Variants in ZNF169 observed in about 807,000 individuals in gnomAD.
ZNF169 encodes the protein zinc finger protein 169.
A neutral mutation model predicts 12.0 loss-of-function variants in ZNF169; 11 were observed. That is an observed-to-expected ratio of 0.92 (90% confidence interval 0.58 to 1.52). The LOEUF (loss-of-function observed/expected upper bound fraction) is 1.52, where lower values mean the gene tolerates loss of function less well. Ranked by LOEUF, ZNF169 falls within the 40% of genes most tolerant of loss-of-function variation. The pLI, the probability that ZNF169 is intolerant of heterozygous loss-of-function variation, is 0.00. For synonymous variants in ZNF169, 302 were observed against 286.5 expected, an observed-to-expected ratio of 1.05 and a Z score of -0.55; for missense variants, 722 against 744.0, an observed-to-expected ratio of 0.97 and a Z score of 0.34.
intron 1 of ZNF169, among the ~76,000 whole-genome samples, chr9:94,261,621 G>A (rs960341758): frequency 6.6e-6 from 1 of 152,064 alleles, no homozygotes; most frequent in African/African-American, 2.4e-5. Flanking sequence ...TTCACTAGGG[G>A]TCTATACCAG....
chr9:94,292,453 A>C lies in ZNF169; in HGVS notation c.146A>C (p.His49Pro). The C allele has an allele frequency of 6.2e-7, 1 of 1,613,998 alleles. No individual in the cohort carries two copies. Among genetic ancestry groups the C allele is most frequent in the Non-Finnish European group, 8.5e-7 (1 of 1,179,914 alleles). The part of the protein sequence containing the change: ...YREVMLENYS[H>P]LVSLGIAFSK... ...GAGGTGATGCTGGAGAACTACAGCCATCTGGTCTCCCTGGGTAAGGCTGGC... is the reference window on the plus strand; with the variant it reads ...GAGGTGATGCTGGAGAACTACAGCCCTCTGGTCTCCCTGGGTAAGGCTGGC... Residue 49 changes from histidine (H) to proline (P), a missense_variant, in exon 3 of 5, where the codon CAT (histidine) becomes CCT (proline). Transcript: ENST00000395395.
At chr9:94,285,572 T>C (rs1161201661) in intron 2 of ZNF169, among the ~76,000 whole-genome samples, 1 of 152,142 alleles carries the variant, frequency 6.6e-6, no homozygotes, top group Non-Finnish European at 1.5e-5. Flanking sequence ...TGAAACATGA[T>C]GAACCCAATA....
At chr9:94,274,714 T>C (rs1164694250) in intron 1 of ZNF169, among the ~76,000 whole-genome samples, 1 of 152,174 alleles carries the variant, frequency 6.6e-6, no homozygotes, top group East Asian at 1.9e-4. Flanking sequence ...CCCAAGGTGG[T>C]TGGGGCACAG....
chr9:94,266,433 A>G (rs1006295030), intron 1 of ZNF169, among the ~76,000 whole-genome samples: 5 of 152,210 alleles, frequency 3.3e-5, no homozygotes, highest in Admixed American at 6.5e-5. Flanking sequence ...AAAGAGTTCA[A>G]TTTGTTCCCA....
At chr9:94,270,784 AATAT>A (rs1306055539) in intron 1 of ZNF169, among the ~76,000 whole-genome samples, 3 of 54,126 alleles carry the variant, frequency 5.5e-5, no homozygotes, top group Non-Finnish European at 1.2e-4. Context: ...ATATTATATA[AATAT>A]ATATAAATAA....
At chr9:94,292,279 G>A (rs1222661112) in intron 2 of ZNF169, 62 bp from the exon 3 acceptor site, 1 of 1,612,820 alleles carries the variant, frequency 6.2e-7, no homozygotes, top group African/African-American at 1.3e-5. Context: ...GTGGTTAGTG[G>A]CTTAAGTTGG....
chr9:94,292,925 C>T (rs370741790), intron 3 of ZNF169, 49 bp from the exon 4 acceptor site: 77 of 1,533,830 alleles, frequency 5.0e-5, no homozygotes, highest in Non-Finnish European at 6.5e-5. Flanking sequence ...GAGATAGCCT[C>T]TTAAGCCACT....
chr9:94,300,585 G>A lies in ZNF169; in HGVS notation c.1027G>A (p.Glu343Lys), dbSNP rs779291492. The A allele has an allele frequency of 6.2e-7, 1 of 1,614,050 alleles. No individual in the cohort carries two copies. The highest frequency in any genetic ancestry group is 1.7e-5 in the Admixed American group (1 of 60,018). The change falls in exon 5 of 5, where the codon GAG becomes AAG. Residue 343 changes from glutamate (E) to lysine (K), a missense_variant. Glu to Lys is a moderately conservative substitution (Grantham distance 56). Coordinates refer to ENST00000395395, the MANE Select transcript of ZNF169 (RefSeq NM_194320.4). ...TCTACACCAGAGGACGCACTTGGAG[G>A]AGAAGCCCTTCGTGTGTCCTGAGTG... ...LLLHQRTHLE[E>K]KPFVCPECGR...
At chr9:94,278,702 G>T (rs1830566662) in intron 1 of ZNF169, 56 bp from the exon 2 acceptor site, 8 of 992,114 alleles carry the variant, frequency 8.1e-6, no homozygotes, top group Admixed American at 4.0e-5. Flanking sequence ...AGGCTGGACA[G>T]AGTGTGAAGG....
chr9:94,264,164 T>C (rs1216664138), intron 1 of ZNF169, among the ~76,000 whole-genome samples: 2 of 152,184 alleles, frequency 1.3e-5, no homozygotes, highest in Non-Finnish European at 2.9e-5. Flanking sequence ...TGAGGTGGCG[T>C]CTTGCTCTGT....
chr9:94,299,896 G>T lies in ZNF169; in HGVS notation c.338G>T (p.Ser113Ile), dbSNP rs765927552. The T allele has an allele frequency of 1.3e-5, 21 of 1,614,038 alleles. No homozygotes were observed. The highest frequency in any genetic ancestry group is 1.7e-5 in the Non-Finnish European group (20 of 1,180,044). Residue 113 changes from serine (S) to isoleucine (I), a missense_variant, in exon 5 of 5, where the codon AGT becomes ATT. Physicochemically the swap from Ser to Ile is moderately radical, Grantham distance 142 (BLOSUM62 -2). Coordinates refer to ENST00000395395, the MANE Select transcript of ZNF169 (RefSeq NM_194320.4). ...CAGCTCCTCAGACAATATGCGCTAAGTGGCCATCCCACACAGATCTTCCCA... is the reference window on the plus strand; with the variant it reads ...CAGCTCCTCAGACAATATGCGCTAATTGGCCATCCCACACAGATCTTCCCA... Reference protein sequence around the residue: ...SSQLLRQYALSGHPTQIFPSS... With the variant: ...SSQLLRQYALIGHPTQIFPSS...
chr9:94,270,651 A>G (rs1429610774), intron 1 of ZNF169, among the ~76,000 whole-genome samples: 2 of 111,374 alleles, frequency 1.8e-5, no homozygotes, highest in Non-Finnish European at 3.6e-5. Context: ...AAAAATAAAT[A>G]TATTTTTAAA....
chr9:94,293,274 T>C, intron 4 of ZNF169: 1 of 603,300 alleles, frequency 1.7e-6, no homozygotes. Context: ...ATCTCCTTCC[T>C]CCATCAGGGA....
chr9:94,276,166 C>T (rs76194303), intron 1 of ZNF169, among the ~76,000 whole-genome samples: 2,101 of 152,256 alleles, frequency 0.014, 62 homozygotes, highest in African/African-American at 0.048. Context: ...ACAATTTATA[C>T]TGATTTTTTA....
intron 4 of ZNF169, among the ~76,000 whole-genome samples, chr9:94,297,724 C>T (rs1830980298): frequency 6.6e-6 from 1 of 152,152 alleles, no homozygotes; most frequent in Non-Finnish European, 1.5e-5. Flanking sequence ...TATTTATAAT[C>T]GTCTGCCTTG....
chr9:94,268,431 A>AT (rs1350593648), intron 1 of ZNF169, among the ~76,000 whole-genome samples: 5 of 152,230 alleles, frequency 3.3e-5, no homozygotes, highest in African/African-American at 1.2e-4. Context: ...ATGATTTCAT[A>AT]TTTAACAGTG....
chr9:94,287,409 A>C (rs940515640), intron 2 of ZNF169, among the ~76,000 whole-genome samples: 3 of 152,204 alleles, frequency 2.0e-5, no homozygotes, highest in African/African-American at 7.2e-5. Flanking sequence ...TCTGTCACCC[A>C]GGCTGGAGTG....
chr9:94,283,206 C>T (rs1334094229), intron 2 of ZNF169, among the ~76,000 whole-genome samples: 6 of 151,854 alleles, frequency 4.0e-5, no homozygotes, highest in African/African-American at 1.5e-4. Context: ...GTCAGGAGAT[C>T]GAGACCATCC....
intron 1 of ZNF169, among the ~76,000 whole-genome samples, chr9:94,270,687 AATATATAATT>A (rs1564083222): frequency 1.4e-4 from 6 of 44,340 alleles, no homozygotes; most frequent in African/African-American, 3.2e-4. Flanking sequence ...AATATATATA[AATATATAATT>A]TATATAATTA....
Sources: allele counts gnomAD v4.1 joint callset (sites outside exome capture counted in the v4.1 genomes callset), GRCh38; gene constraint gnomAD v4.1.1; transcripts MANE v1.5; gene names NCBI Gene and HGNC (gene_info 2026-07-23, HGNC 2026-07-21).